Variants in VPS13C observed in about 807,000 individuals in gnomAD.
VPS13C encodes vacuolar protein sorting 13 homolog C, also known as intermembrane lipid transfer protein VPS13C.
In VPS13C, 358 loss-of-function variants were observed where a neutral mutation model predicts 456.8. That is an observed-to-expected ratio of 0.78 (90% CI 0.72 to 0.86). The LOEUF (loss-of-function observed/expected upper bound fraction) is 0.86, where lower values mean the gene tolerates loss of function less well. Ranked by LOEUF, VPS13C falls within the 40% of genes least tolerant of loss-of-function variation. VPS13C has a pLI of 0.00. For missense variants in VPS13C, 4,818 were observed against 4,385.4 expected (o/e 1.10, Z -2.79); for synonymous variants, 1,578 against 1,486.7 (o/e 1.06, Z -1.41).
intron 13 of VPS13C, among the ~76,000 whole-genome samples, 165 bp downstream of exon 13, chr15:62,010,307 C>T (rs953374335): frequency 3.3e-5 from 5 of 152,118 alleles, no homozygotes; most frequent in Admixed American, 3.3e-4. Flanking sequence ...TAAAAAACTA[C>T]TTAAATTTGA....
intron 65 of VPS13C, among the ~76,000 whole-genome samples, chr15:61,908,750 C>T (rs763805159): frequency 2.6e-5 from 4 of 152,080 alleles, no homozygotes; most frequent in Non-Finnish European, 4.4e-5. Flanking sequence ...TGAATTGATA[C>T]GAAACTATTA....
intron 73 of VPS13C, chr15:61,879,459 C>G (rs1469587223): frequency 6.6e-6 from 1 of 151,992 alleles, no homozygotes; most frequent in Non-Finnish European, 1.5e-5. Context: ...AATGACGAGT[C>G]TGGGAGTGCT....
intron 15 of VPS13C, among the ~76,000 whole-genome samples, chr15:62,003,886 G>A (rs1459658339): frequency 6.6e-6 from 1 of 151,726 alleles, no homozygotes. Flanking sequence ...GATCATGGTG[G>A]ATAAGCTTTT....
chr15:62,055,259 G>T (rs1466208953), intron 1 of VPS13C, among the ~76,000 whole-genome samples: 1 of 151,440 alleles, frequency 6.6e-6, no homozygotes, highest in African/African-American at 2.4e-5. Context: ...CGGGAGTCTC[G>T]CTCTGTCACC....
At chr15:61,949,090 C>T (rs532263053) in intron 42 of VPS13C, among the ~76,000 whole-genome samples, 2 of 152,226 alleles carry the variant, frequency 1.3e-5, no homozygotes, top group Admixed American at 6.5e-5. Context: ...CTAACTGAAA[C>T]GGGCCTTTGT....
At chr15:62,047,928 C>T (rs2048473268) in intron 1 of VPS13C, among the ~76,000 whole-genome samples, 1 of 152,036 alleles carries the variant, frequency 6.6e-6, no homozygotes, top group African/African-American at 2.4e-5. Flanking sequence ...TCCTTTTCTA[C>T]CTTAAAACAA....
In VPS13C at chr15:61,918,504, T is replaced by C. The variant is rs1310500248; in HGVS notation, c.7639-247A>G. On this transcript the variant is annotated intron_variant, in intron 58 of 84. Transcript: ENST00000644861. Reference sequence around the variant, plus strand: ...ATTATAAGCTTATGTTTAGTATTAGTCTATATTATCTTTCAAATATGTATT... The same window carrying C: ...ATTATAAGCTTATGTTTAGTATTAGCCTATATTATCTTTCAAATATGTATT... 3.9e-5 allele frequency among the ~76,000 whole-genome samples: 6 copies of C among 152,118 alleles called. No individual in the cohort carries two copies. In the East Asian group the frequency reaches 1.2e-3, roughly 29 times the overall value.
chr15:61,925,272 T>A (rs2043810186), intron 53 of VPS13C, among the ~76,000 whole-genome samples, 184 bp downstream of exon 53: 1 of 151,614 alleles, frequency 6.6e-6, no homozygotes, highest in Non-Finnish European at 1.5e-5. Context: ...TTACAGAAAA[T>A]AGAAACAAAC....
At chr15:62,059,502 T>A (rs1175638292) in intron 1 of VPS13C, among the ~76,000 whole-genome samples, 1 of 152,226 alleles carries the variant, frequency 6.6e-6, no homozygotes, top group Non-Finnish European at 1.5e-5. Flanking sequence ...CACTATTTCC[T>A]GAATACTTTT....
chr15:61,869,469 C>T (rs979253541), intron 80 of VPS13C, 31 bp downstream of exon 80: 18 of 1,611,672 alleles, frequency 1.1e-5, no homozygotes, highest in Non-Finnish European at 2.5e-6. Flanking sequence ...CACACAGACA[C>T]ATACCTTGCA....
intron 82 of VPS13C, among the ~76,000 whole-genome samples, chr15:61,861,053 C>A (rs1045699511): frequency 6.6e-6 from 1 of 150,624 alleles, no homozygotes; most frequent in Non-Finnish European, 1.5e-5. Context: ...CCTTCGCCTC[C>A]CAGGTTTAAG....
chr15:61,890,120 A>G, intron 67 of VPS13C, 45 bp downstream of exon 67: 1 of 1,579,686 alleles, frequency 6.3e-7, no homozygotes, highest in South Asian at 1.1e-5. Flanking sequence ...TATGAACTTA[A>G]TGCCTTTTAA....
rs1312995659 is a variant in VPS13C, at chr15:61,917,431, C to CAA, written c.7964_7965insTT (p.Glu2656TrpfsTer6). The CAA allele has an allele frequency of 6.2e-7, 1 of 1,613,924 alleles. No homozygotes were observed. The highest frequency in any genetic ancestry group is 8.5e-7 in the Non-Finnish European group (1 of 1,179,874). ...TAATGTAAGCTACATCCCAGTCTTC[C>CAA]CCATGTGTACATATGTAGCTCAATT... is the stretch of plus-strand genomic sequence containing the variant. On this transcript the variant is annotated frameshift_variant, in exon 60 of 85. Coordinates refer to ENST00000644861, the MANE Select transcript of VPS13C (RefSeq NM_020821.3). LOFTEE classifies it high-confidence loss of function.
intron 16 of VPS13C, among the ~76,000 whole-genome samples, chr15:61,995,374 C>G (rs893062531): frequency 6.6e-6 from 1 of 152,180 alleles, no homozygotes; most frequent in Non-Finnish European, 1.5e-5. Context: ...TGTGCCCACC[C>G]CATTCCACCC....
rs553791179 is a variant in VPS13C at position 61,927,708 on chromosome 15, G to A, written c.6287-388C>T. On this transcript the variant is annotated intron_variant, in intron 51 of 84. Transcript: ENST00000644861. ...CCCATTACTGGGTACATACCCAAAG[G>A]ATTATAAATCATGCTGCTATAAAGA... Among the ~76,000 whole-genome samples, 144 of 152,198 alleles carry A rather than the reference G, an allele frequency of 9.5e-4. 1 individual carries two copies. The highest frequency in any genetic ancestry group is 3.4e-3 in the African/African-American group (141 of 41,518).
At chr15:61,885,064 G>C (rs1218038590) in intron 67 of VPS13C, among the ~76,000 whole-genome samples, 1 of 152,020 alleles carries the variant, frequency 6.6e-6, no homozygotes, top group Non-Finnish European at 1.5e-5. Flanking sequence ...AATGTTGCTG[G>C]AACTGGAGTT....
intron 66 of VPS13C, among the ~76,000 whole-genome samples, chr15:61,892,937 C>T (rs1276335022): frequency 6.6e-6 from 1 of 151,890 alleles, no homozygotes; most frequent in Non-Finnish European, 1.5e-5. Context: ...GGAAAATACA[C>T]AGAGGAGAAA....
At position 61,890,160 on chromosome 15, in the gene VPS13C, C is replaced by A. The variant is rs370506951; in HGVS notation, c.9341+5G>T. The A allele has an allele frequency of 7.4e-5, 120 of 1,613,266 alleles. No homozygotes were observed. The highest frequency in any genetic ancestry group is 1.0e-4 in the Non-Finnish European group (119 of 1,179,486). ...TTAGGATGTCTTATTTTCCTTCTTG[C>A]ATACCTGGTTATCCCAATATAGGAA... is the stretch of plus-strand genomic sequence containing the variant. On this transcript the variant is annotated splice_donor_5th_base_variant and intron_variant, in intron 67 of 84. Coordinates refer to ENST00000644861, the MANE Select transcript of VPS13C (RefSeq NM_020821.3).
chr15:62,047,940 A>G (rs946406997), intron 1 of VPS13C, among the ~76,000 whole-genome samples: 1 of 152,188 alleles, frequency 6.6e-6, no homozygotes, highest in African/African-American at 2.4e-5. Context: ...TTAAAACAAC[A>G]TAATAATTCT....
Sources: allele counts gnomAD v4.1 joint callset (sites outside exome capture counted in the v4.1 genomes callset), GRCh38; gene constraint gnomAD v4.1.1; transcripts MANE v1.5; gene names NCBI Gene and HGNC (gene_info 2026-07-23, HGNC 2026-07-21).